Variants in EPHA6 observed in about 807,000 individuals in gnomAD.
The protein encoded by EPHA6 is EPH receptor A6.
Under a neutral mutation model 112.0 loss-of-function variants are expected in EPHA6, and 50 were observed. The observed-to-expected ratio is 0.45, with a 90% CI of 0.36 to 0.56. EPHA6 has a LOEUF of 0.56. EPHA6 is among the 20% of genes least tolerant of loss of function. The pLI is 0.00. For missense variants in EPHA6, 1,280 were observed against 1,417.4 expected, an observed-to-expected ratio of 0.90 and a Z score of 1.56; for synonymous variants, 529 against 490.7, an observed-to-expected ratio of 1.08 and a Z score of -1.03.
At chr3:97,660,174 A>G (rs2094160878) in intron 14 of EPHA6, among the ~76,000 whole-genome samples, 3 of 152,038 alleles carry the variant, frequency 2.0e-5, no homozygotes, top group African/African-American at 7.2e-5. Flanking sequence ...ATATAATAGC[A>G]TTCATTATGC....
chr3:97,001,844 C>T (rs1204339909), intron 3 of EPHA6, among the ~76,000 whole-genome samples: 1 of 151,892 alleles, frequency 6.6e-6, no homozygotes, highest in African/African-American at 2.4e-5. Context: ...TGCTTTTCTG[C>T]AGCAATGGAC....
chr3:97,328,052 C>CATATATAAATATATATATATATATAT (rs1490094035), intron 5 of EPHA6, among the ~76,000 whole-genome samples: 7 of 56,990 alleles, frequency 1.2e-4, no homozygotes, highest in Admixed American at 8.2e-4. Flanking sequence ...CACATATATA[C>CATATATAAATATATATATATATATAT]ACATATATAT....
intron 5 of EPHA6, among the ~76,000 whole-genome samples, chr3:97,263,506 G>A (rs1255436178): frequency 1.3e-5 from 2 of 149,612 alleles, no homozygotes; most frequent in South Asian, 2.1e-4. Context: ...AACACACAAT[G>A]CAACTACTTA....
chr3:97,723,729 T>C (rs2034632166), intron 15 of EPHA6, among the ~76,000 whole-genome samples: 1 of 152,034 alleles, frequency 6.6e-6, no homozygotes, highest in South Asian at 2.1e-4. Flanking sequence ...AACCTTGAGG[T>C]CCTCACATCA....
intron 3 of EPHA6, among the ~76,000 whole-genome samples, chr3:97,165,593 CA>C (rs142392743): frequency 0.013 from 2,042 of 152,106 alleles, 41 homozygotes; most frequent in African/African-American, 0.044. Flanking sequence ...GTATAATGAG[CA>C]GAGACAAGTC....
At chr3:97,168,797 TG>T (rs2076610798) in intron 3 of EPHA6, among the ~76,000 whole-genome samples, 1 of 152,124 alleles carries the variant, frequency 6.6e-6, no homozygotes, top group East Asian at 1.9e-4. Flanking sequence ...TCTATAGCAG[TG>T]GGAGAATGGG....
intron 3 of EPHA6, among the ~76,000 whole-genome samples, chr3:97,029,712 C>A (rs987428184): frequency 7.2e-5 from 11 of 152,072 alleles, no homozygotes; most frequent in Non-Finnish European, 1.3e-4. Context: ...AAATTGGCTG[C>A]ATTTTGCAGC....
intron 2 of EPHA6, among the ~76,000 whole-genome samples, chr3:96,922,596 TG>T (rs1445911024): frequency 6.6e-6 from 1 of 152,206 alleles, no homozygotes; most frequent in Non-Finnish European, 1.5e-5. Context: ...ATGATAAAAA[TG>T]TATGATATTT....
chr3:97,651,120 TA>T (rs2094104853), intron 14 of EPHA6, among the ~76,000 whole-genome samples: 1 of 152,120 alleles, frequency 6.6e-6, no homozygotes, highest in African/African-American at 2.4e-5. Flanking sequence ...GCTTATTTAT[TA>T]ATTGCTGATA....
intron 3 of EPHA6, among the ~76,000 whole-genome samples, chr3:97,130,214 C>G (rs13080770): frequency 0.14 from 21,153 of 151,934 alleles, 1,729 homozygotes; most frequent in Admixed American, 0.25. Flanking sequence ...GGATTATGCA[C>G]ATGTCTACAG....
chr3:97,467,858 A>G (rs2091106032), intron 7 of EPHA6, among the ~76,000 whole-genome samples: 1 of 151,748 alleles, frequency 6.6e-6, no homozygotes, highest in South Asian at 2.1e-4. Flanking sequence ...ATTAATGAAC[A>G]CAAGAATCTC....
intron 5 of EPHA6, among the ~76,000 whole-genome samples, chr3:97,345,105 T>C (rs2083474077): frequency 6.6e-6 from 1 of 152,014 alleles, no homozygotes; most frequent in African/African-American, 2.4e-5. Flanking sequence ...CCAACCAACA[T>C]ACGTACTATT....
chr3:96,970,703 T>A, intron 2 of EPHA6, among the ~76,000 whole-genome samples: 1 of 152,116 alleles, frequency 6.6e-6, no homozygotes, highest in Admixed American at 6.6e-5. Flanking sequence ...AAAGACAACG[T>A]CCTTGTCCTA....
rs58214738 is a variant in EPHA6, at chr3:97,363,171, AATATATATATATATATAT to A, written c.1607-41929_1607-41912del. ...CATAATTATGCCACATTGCCCCTGC[AATATATATATATATATAT>A]ATATATATATATATATATATATATA... On this transcript the variant is annotated intron_variant, in intron 5 of 17. Transcript: ENST00000389672. Among the ~76,000 whole-genome samples the A allele has an allele frequency of 2.6e-3, 135 of 51,424 alleles. 2 individuals carry two copies. Among genetic ancestry groups the A allele is most frequent in the Non-Finnish European group, 3.9e-3 (86 of 22,046 alleles). 33.7% of individuals were successfully genotyped at this position (51,424 alleles called of 152,430 possible). A position where few individuals can be genotyped will look rare whatever the true frequency, so the allele number is the denominator to read the frequency against.
chr3:97,398,104 G>A (rs770694808), intron 5 of EPHA6, among the ~76,000 whole-genome samples: 1 of 151,382 alleles, frequency 6.6e-6, no homozygotes, highest in Non-Finnish European at 1.5e-5. Context: ...ATTTTTCTCA[G>A]TAGTCATTCT....
intron 5 of EPHA6, among the ~76,000 whole-genome samples, chr3:97,268,882 A>T (rs1271134434): frequency 6.6e-6 from 1 of 152,156 alleles, no homozygotes; most frequent in East Asian, 1.9e-4. Flanking sequence ...GTTTTCTTTA[A>T]ATTTTCTCTA....
At chr3:97,672,005 C>G (rs983758863) in intron 14 of EPHA6, among the ~76,000 whole-genome samples, 6 of 152,146 alleles carry the variant, frequency 3.9e-5, no homozygotes, top group African/African-American at 1.4e-4. Flanking sequence ...ACTATACATT[C>G]CTGGATTGCG....
chr3:97,637,837 A>T, intron 13 of EPHA6, 36 bp from the exon 14 acceptor site: 1 of 1,534,166 alleles, frequency 6.5e-7, no homozygotes, highest in Non-Finnish European at 9.0e-7. Flanking sequence ...ACTGCATTAA[A>T]ATAAATCAAT....
At chr3:97,564,949 A>G (rs922864195) in intron 11 of EPHA6, among the ~76,000 whole-genome samples, 1 of 152,150 alleles carries the variant, frequency 6.6e-6, no homozygotes, top group East Asian at 1.9e-4. Context: ...TCTATTCCCA[A>G]TGTCAGAAAA....
Sources: gnomAD v4.1 joint callset for allele counts (sites outside exome capture counted in the v4.1 genomes callset) on GRCh38, gnomAD v4.1.1 for gene constraint, MANE v1.5 for transcripts, NCBI Gene and HGNC (gene_info 2026-07-23, HGNC 2026-07-21) for gene names.